The following CIC variants were observed in gnomAD, a reference collection of about 807,000 sequenced individuals.
The protein encoded by CIC is capicua transcriptional repressor.
CIC carries 18 observed loss-of-function variants against 115.7 expected under a neutral mutation model. The ratio of observed to expected loss-of-function variants is 0.16; its 90% CI spans 0.11 to 0.23. The LOEUF is 0.23. Ranked by LOEUF, CIC falls within the 10% of genes least tolerant of loss-of-function variation. The pLI, the probability that CIC is intolerant of heterozygous loss-of-function variation, is 1.00. For missense variants in CIC, 2,000 were observed against 2,159.3 expected, an observed-to-expected ratio of 0.93 and a Z score of 1.46; for synonymous variants, 1,076 against 923.0, an observed-to-expected ratio of 1.17 and a Z score of -3.01.
Position 42,291,366 on chromosome 19 carries a change from C to T in CIC, c.5325C>T (p.Leu1775=), listed in dbSNP as rs773106706. The change falls in exon 11 of 21, where the codon CTC becomes CTT. Residue 1775 remains leucine, a synonymous_variant. Coordinates refer to ENST00000681038, the MANE Select transcript of CIC (RefSeq NM_001386298.1). ...PAPTTSIRFT[L]PPGTSTNGKV... ...CCACCACCAGCATCCGTTTCACCCT[C>T]CCACCGGGCACTTCCACCAACGGCA... is the stretch of plus-strand genomic sequence containing the variant. 4.3e-6 allele frequency: 7 copies of T among 1,612,526 alleles called. No homozygotes were observed. The East Asian group carries it at 1.1e-4, about 26-fold the overall frequency.
At position 42,292,409 on chromosome 19, in the gene CIC, C is replaced by A; in HGVS notation, c.5845C>A (p.Leu1949Ile). 6.2e-7 allele frequency: 1 copy of A among 1,611,976 alleles called. No individual in the cohort carries two copies. The highest frequency in any genetic ancestry group is 8.5e-7 in the Non-Finnish European group (1 of 1,179,212). ...TSYGPTSSVA[L>I]GFTSLGPSGP... ...GTACGGGCCCACGAGCTCTGTAGCT[C>A]TAGGCTTCACCTCGCTGGGGCCCAG... The change falls in exon 14 of 21, where the codon CTA (leucine) becomes ATA (isoleucine). Residue 1949 changes from leucine to isoleucine, a missense_variant. Leu to Ile is a conservative substitution (Grantham distance 5). This residue lies in a region of CIC where 1,466 missense variants were observed against 1,390.4 expected (regional missense o/e 1.05). Transcript: ENST00000681038.
intron 2 of CIC, among the ~76,000 whole-genome samples, chr19:42,278,965 G>A (rs2037102153): frequency 6.6e-6 from 1 of 152,230 alleles, no homozygotes; most frequent in African/African-American, 2.4e-5. Context: ...GGGGCGGCAG[G>A]AAAGAAGCTT....
rs548446929 is a variant in CIC, at chr19:42,273,971, G to A, written c.2188G>A (p.Ala730Thr). 1.2e-4 allele frequency: 46 copies of A among 398,876 alleles called. 1 individual carries two copies. Among genetic ancestry groups the A allele is most frequent in the Non-Finnish European group, 5.3e-5 (12 of 226,274 alleles). The allele number at this position is 398,876 out of a possible 1,614,324, so 24.7% of individuals were successfully genotyped here. A position where few individuals can be genotyped will look rare whatever the true frequency, so the allele number is the denominator to read the frequency against. Residue 730 changes from alanine (A) to threonine (T), a missense_variant, in exon 2 of 21, where the codon GCA becomes ACA. This residue lies in a region of CIC where 222 missense variants were observed against 247.7 expected (regional missense o/e 0.90). Coordinates refer to ENST00000681038, the MANE Select transcript of CIC (RefSeq NM_001386298.1). Reference sequence around the variant, plus strand: ...TCCAGGGGCCTTGGGGGCCCCTGGCGCAGGGGGTGGAGGAGCCGCCCCAGA... The same window carrying A: ...TCCAGGGGCCTTGGGGGCCCCTGGCACAGGGGGTGGAGGAGCCGCCCCAGA... ...PHPGALGAPG[A>T]GGGGAAPDFP...
intron 2 of CIC, among the ~76,000 whole-genome samples, chr19:42,285,500 C>G (rs2037569252): frequency 6.6e-6 from 1 of 152,172 alleles, no homozygotes; most frequent in Non-Finnish European, 1.5e-5. Flanking sequence ...TTCCTGAGGT[C>G]TACTTTTTCC....
Position 42,295,322 on chromosome 19 carries a change from C to A in CIC, c.*131C>A. 1 of 794,522 alleles carries A rather than the reference C, an allele frequency of 1.3e-6. No individual in the cohort carries two copies. The highest frequency in any genetic ancestry group is 2.0e-6 in the Non-Finnish European group (1 of 504,946). 49.2% of individuals were successfully genotyped at this position (794,522 alleles called of 1,614,324 possible). The stretch of plus-strand genomic sequence containing the variant: ...CCAGTTTGGGGCGGAATGAGGCCTG[C>A]TCCTCTTGTAAATACCCCCTTCCCT... On this transcript the variant is annotated 3_prime_UTR_variant, in exon 21 of 21. Transcript: ENST00000681038.
rs1382036953 is a variant in CIC, at chr19:42,272,155, G to T, written c.372G>T (p.Glu124Asp). 1 of 399,090 alleles carries T rather than the reference G, an allele frequency of 2.5e-6. No homozygotes were observed. Among genetic ancestry groups the T allele is most frequent in the Non-Finnish European group, 4.4e-6 (1 of 226,416 alleles). The allele number at this position is 399,090 out of a possible 1,614,324, so 24.7% of individuals were successfully genotyped here. Residue 124 changes from glutamate to aspartate, a missense_variant, in exon 2 of 21, where the codon GAG becomes GAT. Around this residue, in one of 8 missense-constraint regions of CIC, gnomAD observed 222 missense variants for 247.7 expected, o/e 0.90. Coordinates refer to ENST00000681038, the MANE Select transcript of CIC (RefSeq NM_001386298.1). ...GAGCGCCCAAGAAGAAGTATGTGGA[G>T]GAGCACGGAGCTGGCAGCAGTGGGG... ...KSRAPKKKYV[E>D]EHGAGSSGVA...
intron 2 of CIC, chr19:42,284,039 G>C (rs2037410659): frequency 6.7e-6 from 1 of 148,946 alleles, no homozygotes; most frequent in African/African-American, 2.4e-5. Context: ...GCGGCGGGGG[G>C]AGGGGAGCGC....
At position 42,291,170 on chromosome 19, in the gene CIC, G is replaced by A. The variant is rs2038069530; in HGVS notation, c.5129G>A (p.Gly1710Asp). The A allele has an allele frequency of 6.2e-7, 1 of 1,607,768 alleles. No homozygotes were observed. The highest frequency in any genetic ancestry group is 8.5e-7 in the Non-Finnish European group (1 of 1,176,404). Residue 1710 changes from glycine (G) to aspartate (D), a missense_variant, in exon 11 of 21, where the codon GGC becomes GAC. By Grantham distance (94) the Gly-to-Asp change is moderately conservative. Coordinates refer to ENST00000681038, the MANE Select transcript of CIC (RefSeq NM_001386298.1). ...GGCTCAGGAGCAGGTGCTGGGAGTG[G>A]CCCCAATGGGCCAGTACCCCTGGGC... ...TAGSGAGAGS[G>D]PNGPVPLGIL...
rs1165972078 is a variant in CIC, at chr19:42,287,192, C to G, written c.3131C>G (p.Pro1044Arg). The G allele has an allele frequency of 2.5e-6, 4 of 1,613,470 alleles. No homozygotes were observed. The highest frequency in any genetic ancestry group is 1.3e-5 in the African/African-American group (1 of 74,908). Reference protein sequence around the residue: ...PTTEEEASGPPGEPRLDSETE... With the variant: ...PTTEEEASGPRGEPRLDSETE... ...ACGGAGGAGGAGGCCTCCGGCCCCC[C>G]AGGAGAGCCCCGGCTGGACAGTGAG... Residue 1044 changes from proline to arginine, a missense_variant, in exon 4 of 21, where the codon CCA (proline) becomes CGA (arginine). Coordinates refer to ENST00000681038, the MANE Select transcript of CIC (RefSeq NM_001386298.1). This position sits in a 1 kb window ranked among gnomAD's most constrained non-coding sequence, Gnocchi z 8.7.
At chr19:42,282,541 T>C (rs1346029193) in intron 2 of CIC, among the ~76,000 whole-genome samples, 1 of 152,214 alleles carries the variant, frequency 6.6e-6, no homozygotes, top group Non-Finnish European at 1.5e-5. Flanking sequence ...TGAGCCCCCC[T>C]CGCCTTTCTG....
At chr19:42,286,210 G>A (rs1333662868) in intron 2 of CIC, among the ~76,000 whole-genome samples, 2 of 152,128 alleles carry the variant, frequency 1.3e-5, no homozygotes, top group Non-Finnish European at 2.9e-5. Context: ...GGAAGGCAAG[G>A]AGCAGGACCT....
chr19:42,286,244 A>AC (rs2037630898), intron 2 of CIC, among the ~76,000 whole-genome samples: 1 of 151,850 alleles, frequency 6.6e-6, no homozygotes, highest in Admixed American at 6.6e-5. Context: ...GTTGTAAGAG[A>AC]CCCCACAGCC....
intron 2 of CIC, among the ~76,000 whole-genome samples, chr19:42,276,311 A>T (rs938567341): frequency 6.6e-6 from 1 of 152,342 alleles, no homozygotes; most frequent in East Asian, 1.9e-4. Flanking sequence ...TAAGATCATT[A>T]TGAACTGTAT....
intron 2 of CIC, among the ~76,000 whole-genome samples, chr19:42,275,180 C>T (rs1028805309): frequency 2.6e-5 from 4 of 152,062 alleles, no homozygotes; most frequent in Admixed American, 2.0e-4. Context: ...CCCGTGACCA[C>T]GTGGTCATAG....
At chr19:42,275,856 G>T (rs1366060204) in intron 2 of CIC, among the ~76,000 whole-genome samples, 1 of 152,004 alleles carries the variant, frequency 6.6e-6, no homozygotes, top group Non-Finnish European at 1.5e-5. Flanking sequence ...TTGATTCAGG[G>T]CCTGGCCCTG....
In CIC at chr19:42,287,664, G is replaced by C. The variant is rs2147199607; in HGVS notation, c.3429G>C (p.Leu1143=). The change falls in exon 6 of 21, where the codon CTG becomes CTC. Residue 1143 remains leucine, a synonymous_variant. Transcript: ENST00000681038. This position sits in a 1 kb window ranked among gnomAD's most constrained non-coding sequence, Gnocchi z 8.7. ...NQDNRTVSKI[L]GEWWYALGPK... is the part of the protein sequence containing the mutation. ...ACAACCGGACCGTCAGCAAGATCCT[G>C]GGCGAGTGGTGGTATGCCCTGGGGC... 2 of 1,614,046 alleles carry C rather than the reference G, an allele frequency of 1.2e-6. No homozygotes were observed. Among genetic ancestry groups the C allele is most frequent in the Non-Finnish European group, 1.7e-6 (2 of 1,180,042 alleles).
In CIC at chr19:42,295,056, G is replaced by T. The variant is rs750834733; in HGVS notation, c.7419G>T (p.Ser2473=). ...AGGPDPTSPS[S]DSGTAQAAPP... The stretch of plus-strand genomic sequence containing the variant: ...GCCCTGACCCCACCTCACCCAGCTC[G>T]GACTCTGGCACGGCCCAGGCTGCCC... The change falls in exon 21 of 21, where the codon TCG becomes TCT. Residue 2473 remains serine, a synonymous_variant. Transcript: ENST00000681038. 3.9e-6 allele frequency: 6 copies of T among 1,532,550 alleles called. No homozygotes were observed. Among genetic ancestry groups the T allele is most frequent in the Admixed American group, 2.0e-5 (1 of 50,652 alleles). 94.9% of individuals were successfully genotyped at this position (1,532,550 alleles called of 1,614,324 possible). A position where few individuals can be genotyped will look rare whatever the true frequency, so the allele number is the denominator to read the frequency against.
chr19:42,285,213 G>C (rs949837096), intron 2 of CIC, among the ~76,000 whole-genome samples: 1 of 152,076 alleles, frequency 6.6e-6, no homozygotes, highest in African/African-American at 2.4e-5. Context: ...CAGAGAGCGC[G>C]ACACCTAAGA....
In CIC at chr19:42,286,866, C is replaced by T. The variant is rs914662436; in HGVS notation, c.2890C>T (p.Pro964Ser). ...CAGCCAGCCTGACCCCTCCGTGCAG[C>T]CGAGCGAGGCCCAGCAACCTGCCAG... ...APSQPDPSVQ[P>S]SEAQQPASHP... Residue 964 changes from proline to serine, a missense_variant, in exon 3 of 21, where the codon CCG (proline) becomes TCG (serine). This residue lies in a region of CIC where 222 missense variants were observed against 247.7 expected (regional missense o/e 0.90). Transcript: ENST00000681038. 6.2e-7 allele frequency: 1 copy of T among 1,613,252 alleles called. No individual in the cohort carries two copies. Among genetic ancestry groups the T allele is most frequent in the Non-Finnish European group, 8.5e-7 (1 of 1,179,838 alleles).
Sources: gnomAD v4.1 joint callset for allele counts (sites outside exome capture counted in the v4.1 genomes callset) on GRCh38, gnomAD v4.1.1 for gene constraint, gnomAD v4.1.1 regional missense constraint, Gnocchi (gnomAD v3.1) non-coding constraint, MANE v1.5 for transcripts, NCBI Gene and HGNC (gene_info 2026-07-23, HGNC 2026-07-21) for gene names.